The following RACGAP1 variants were observed in gnomAD, a reference collection of about 807,000 sequenced individuals.
RACGAP1 encodes Rac GTPase activating protein 1, also known as rac GTPase-activating protein 1.
Under a neutral mutation model 78.1 loss-of-function variants are expected in RACGAP1, and 30 were observed. That is an observed-to-expected ratio of 0.38 (90% confidence interval 0.29 to 0.52). The LOEUF (loss-of-function observed/expected upper bound fraction) is 0.52. RACGAP1 is among the 20% of genes least tolerant of loss of function. The pLI is 0.82. For missense variants in RACGAP1, 587 were observed against 777.1 expected (o/e 0.76, Z 2.91); for synonymous variants, 231 against 264.8 (o/e 0.87, Z 1.24).
At position 50,008,887 on chromosome 12, in the gene RACGAP1, G is replaced by A. The variant is rs1468977697; in HGVS notation, c.86-2251C>T. On this transcript the variant is annotated intron_variant, in intron 2 of 16. Transcript: ENST00000312377. Reference sequence around the variant, plus strand: ...TGGGCCATAGATCAGAAACAATTTTGATGTTGAAGACCAATAATCATGGCA... The same window carrying A: ...TGGGCCATAGATCAGAAACAATTTTAATGTTGAAGACCAATAATCATGGCA... Among the ~76,000 whole-genome samples, 3 of 152,196 alleles carry A rather than the reference G, an allele frequency of 2.0e-5. 1 individual carries two copies. The East Asian group carries it at 5.8e-4, about 29-fold the overall frequency.
intron 4 of RACGAP1, 123 bp from the exon 5 acceptor site, chr12:50,004,427 A>G (rs1431141320): frequency 7.2e-7 from 1 of 1,383,634 alleles, no homozygotes; most frequent in African/African-American, 1.4e-5. Context: ...AATCTTCACT[A>G]TAGAGACAAT....
chr12:50,005,636 C>T (rs1288165209), intron 3 of RACGAP1, among the ~76,000 whole-genome samples: 1 of 152,174 alleles, frequency 6.6e-6, no homozygotes, highest in East Asian at 1.9e-4. Flanking sequence ...TTTGGATTAA[C>T]CTGCTAATCC....
intron 15 of RACGAP1, among the ~76,000 whole-genome samples, chr12:49,991,479 A>ATATATATATATATATATTTTTT (rs1555169074): frequency 1.2e-4 from 3 of 24,090 alleles, no homozygotes; most frequent in African/African-American, 1.4e-4. Context: ...ATATATATAT[A>ATATATATATATATATATTTTTT]TTTTTTTTTT....
At position 50,008,695 on chromosome 12, in the gene RACGAP1, G is replaced by A. The variant is rs543264777; in HGVS notation, c.86-2059C>T. The stretch of plus-strand genomic sequence containing the variant: ...TTAACTAGAGATGGGGTTTCACCAC[G>A]TTGGCTAGGCTGGTCTCAAACTCCT... On this transcript the variant is annotated intron_variant, in intron 2 of 16. Coordinates refer to ENST00000312377, the MANE Select transcript of RACGAP1 (RefSeq NM_001319999.2). Among the ~76,000 whole-genome samples, 10 of 152,036 alleles carry A rather than the reference G, an allele frequency of 6.6e-5. No homozygotes were observed. The East Asian group carries it at 2.0e-3, about 30-fold the overall frequency.
At chr12:50,005,143 C>T (rs1592171029) in intron 4 of RACGAP1, 113 bp downstream of exon 4, 2 of 1,495,988 alleles carry the variant, frequency 1.3e-6, no homozygotes, top group Non-Finnish European at 1.8e-6. Flanking sequence ...AAATCTTTTT[C>T]TGCTTTTTTC....
At chr12:49,991,012 T>G (rs752762006) in intron 15 of RACGAP1, among the ~76,000 whole-genome samples, 1 of 152,186 alleles carries the variant, frequency 6.6e-6, no homozygotes, top group African/African-American at 2.4e-5. Flanking sequence ...ATTCTCTAAC[T>G]CCACACTTCA....
chr12:50,020,702 C>T (rs1034573171), intron 1 of RACGAP1, among the ~76,000 whole-genome samples: 6 of 152,144 alleles, frequency 3.9e-5, no homozygotes, highest in African/African-American at 1.4e-4. Flanking sequence ...CATAACATGT[C>T]ATACAAACAG....
intron 5 of RACGAP1, among the ~76,000 whole-genome samples, chr12:50,003,083 A>G (rs1313616572): frequency 6.6e-6 from 1 of 151,370 alleles, no homozygotes; most frequent in Non-Finnish European, 1.5e-5. Context: ...AAACGTGTCC[A>G]CCACTGAAGA....
At chr12:50,028,983 C>T (rs1025369982), upstream of RACGAP1, among the ~76,000 whole-genome samples, 1 of 151,716 alleles carries the variant, frequency 6.6e-6, no homozygotes, top group African/African-American at 2.4e-5. Context: ...TTTGGGAGGC[C>T]GAGGTGGGCA....
intron 1 of RACGAP1, among the ~76,000 whole-genome samples, chr12:50,024,583 C>T (rs961939615): frequency 2.6e-5 from 4 of 152,054 alleles, no homozygotes; most frequent in Admixed American, 2.0e-4. Context: ...GATGGGGACA[C>T]TAAGAGACCA....
upstream of RACGAP1, among the ~76,000 whole-genome samples, chr12:50,027,775 G>A (rs1035759918): frequency 1.3e-5 from 2 of 152,180 alleles, no homozygotes; most frequent in Non-Finnish European, 2.9e-5. Flanking sequence ...GTGGTGAGCC[G>A]AGATCATGCC....
At position 49,999,227 on chromosome 12, in the gene RACGAP1, G is replaced by C. The variant is rs1397421253; in HGVS notation, c.793C>G (p.Gln265Glu). ...TCTGTCTCAGTTCTTGGCTCCAGCT[G>C]CCTGCTGTTCAGGGTGGAGTCACTG... is the stretch of plus-strand genomic sequence containing the variant. Reference protein sequence around the residue: ...WNSDSTLNSRQLEPRTETDSV... With the variant: ...WNSDSTLNSRELEPRTETDSV... The change falls in exon 9 of 17, where the codon CAG (glutamine) becomes GAG (glutamate). Residue 265 changes from glutamine to glutamate, a missense_variant. Coordinates refer to ENST00000312377, the MANE Select transcript of RACGAP1 (RefSeq NM_001319999.2). 1 of 1,614,128 alleles carries C rather than the reference G, an allele frequency of 6.2e-7. No homozygotes were observed. The highest frequency in any genetic ancestry group is 1.1e-5 in the South Asian group (1 of 91,076).
In RACGAP1 at chr12:49,997,195, G is replaced by A; in HGVS notation, c.889C>T (p.Pro297Ser). 1.3e-6 allele frequency: 2 copies of A among 1,584,778 alleles called. No homozygotes were observed. The highest frequency in any genetic ancestry group is 1.7e-6 in the Non-Finnish European group (2 of 1,159,326). The change falls in exon 10 of 17, where the codon CCT (proline) becomes TCT (serine). Residue 297 changes from proline (P) to serine (S), a missense_variant. Physicochemically the swap from Pro to Ser is moderately conservative, Grantham distance 74 (BLOSUM62 -1). Transcript: ENST00000312377. Reference protein sequence around the residue: ...HDFVSKTVIKPESCVPCGKRI... With the variant: ...HDFVSKTVIKSESCVPCGKRI... ...TTTCCACATGGAACACAGGATTCAG[G>A]TTTAATAACCTGGGATAAAACAGGG... is the stretch of plus-strand genomic sequence containing the variant.
At chr12:50,020,599 A>G (rs944665281) in intron 1 of RACGAP1, among the ~76,000 whole-genome samples, 2 of 152,170 alleles carry the variant, frequency 1.3e-5, no homozygotes, top group African/African-American at 4.8e-5. Context: ...CAAAATCTAT[A>G]TTCTCTCCAA....
intron 2 of RACGAP1, among the ~76,000 whole-genome samples, chr12:50,008,088 C>T (rs1364547163): frequency 1.6e-5 from 2 of 128,522 alleles, no homozygotes; most frequent in African/African-American, 6.1e-5. Context: ...ACTGCTTCAG[C>T]TTAGTTTAAG....
upstream of RACGAP1, among the ~76,000 whole-genome samples, chr12:50,028,219 A>G (rs1408249077): frequency 6.6e-6 from 1 of 152,244 alleles, no homozygotes; most frequent in East Asian, 1.9e-4. Flanking sequence ...TATGAAATCA[A>G]TCAATGAAAT....
At chr12:50,031,259 T>G (rs1209594325) in intron 2 of RACGAP1, among the ~76,000 whole-genome samples, 1 of 150,282 alleles carries the variant, frequency 6.7e-6, no homozygotes, top group South Asian at 2.1e-4. Flanking sequence ...GGCGGATCAT[T>G]TGAGGTCAGG....
At chr12:49,993,638 A>G (rs1413685658) in intron 12 of RACGAP1, among the ~76,000 whole-genome samples, 1 of 151,692 alleles carries the variant, frequency 6.6e-6, no homozygotes, top group East Asian at 1.9e-4. Flanking sequence ...AATCTCAGCT[A>G]CTCAGGAGGC....
At chr12:50,012,442 T>A (rs183761764) in intron 2 of RACGAP1, among the ~76,000 whole-genome samples, 10 of 152,152 alleles carry the variant, frequency 6.6e-5, no homozygotes, top group Admixed American at 6.5e-4. Context: ...ATGCCTGTAA[T>A]CCCAGCTACT....
Sources: gnomAD v4.1 joint callset for allele counts (sites outside exome capture counted in the v4.1 genomes callset) on GRCh38, gnomAD v4.1.1 for gene constraint, MANE v1.5 for transcripts, NCBI Gene and HGNC (gene_info 2026-07-23, HGNC 2026-07-21) for gene names.